The following FOXP2 variants were observed in gnomAD, a reference collection of about 807,000 sequenced individuals.
FOXP2 encodes forkhead box P2.
A neutral mutation model predicts 115.8 loss-of-function variants in FOXP2; 12 were observed. The ratio of observed to expected loss-of-function variants is 0.10; its 90% confidence interval spans 0.07 to 0.17. The LOEUF is 0.17. Among genes scored for constraint, FOXP2 ranks in the 10% least tolerant of loss-of-function variants. The probability of loss-of-function intolerance (pLI) is 1.00; values close to 1 mark genes in which losing one functional copy is unlikely to be tolerated. For synonymous variants in FOXP2, 328 were observed against 297.7 expected, an observed-to-expected ratio of 1.10 and a Z score of -1.05; for missense variants, 629 against 843.5, an observed-to-expected ratio of 0.75 and a Z score of 3.15.
intron 3 of FOXP2, among the ~76,000 whole-genome samples, chr7:114,593,205 A>G (rs1802526214): frequency 6.6e-6 from 1 of 151,860 alleles, no homozygotes; most frequent in Non-Finnish European, 1.5e-5. Context: ...TTAAAACTTC[A>G]GTTTTGAATA....
intron 3 of FOXP2, among the ~76,000 whole-genome samples, chr7:114,623,909 G>A (rs1020096396): frequency 3.3e-5 from 5 of 151,830 alleles, no homozygotes; most frequent in African/African-American, 4.8e-5. Context: ...ATAGCAATAT[G>A]CACTGTCCAT....
chr7:114,445,943 T>G (rs1026637419), intron 2 of FOXP2, among the ~76,000 whole-genome samples: 1 of 152,102 alleles, frequency 6.6e-6, no homozygotes, highest in Admixed American at 6.6e-5. Flanking sequence ...ACTATGTGTG[T>G]GACAATGTAA....
chr7:114,441,049 T>C (rs1794577734), intron 2 of FOXP2, among the ~76,000 whole-genome samples: 1 of 152,202 alleles, frequency 6.6e-6, no homozygotes. Context: ...ATATCATATA[T>C]AATTTTATTG....
intron 2 of FOXP2, among the ~76,000 whole-genome samples, chr7:114,378,533 A>G (rs1792196838): frequency 6.6e-6 from 1 of 151,576 alleles, no homozygotes; most frequent in African/African-American, 2.4e-5. Flanking sequence ...AAAATCTAAA[A>G]ATTAACTAGG....
At chr7:114,563,327 A>G (rs776131666) in intron 3 of FOXP2, among the ~76,000 whole-genome samples, 1 of 152,144 alleles carries the variant, frequency 6.6e-6, no homozygotes, top group Non-Finnish European at 1.5e-5. Flanking sequence ...CTGTCAAAAC[A>G]TTTGAGACTT....
intron 1 of FOXP2, among the ~76,000 whole-genome samples, chr7:114,256,305 C>T (rs1178900398): frequency 1.3e-5 from 2 of 152,074 alleles, no homozygotes. Context: ...CAGGGTTTCT[C>T]CATGTTGATC....
intron 1 of FOXP2, among the ~76,000 whole-genome samples, chr7:114,145,471 C>CTTTTCTT (rs1280146752): frequency 8.4e-5 from 12 of 142,366 alleles, no homozygotes; most frequent in South Asian, 2.2e-4. Context: ...CTTTTCTTTT[C>CTTTTCTT]TTTTCTTTTC....
At chr7:114,237,566 G>A (rs1172563717) in intron 1 of FOXP2, among the ~76,000 whole-genome samples, 1 of 151,986 alleles carries the variant, frequency 6.6e-6, no homozygotes, top group East Asian at 1.9e-4. Context: ...TGAACCACGT[G>A]CTCAGGCCTG....
In FOXP2 at chr7:114,631,653, C is replaced by T. The variant is rs1275168865; in HGVS notation, c.723C>T (p.Leu241=). The change falls in exon 6 of 17, where the codon CTC becomes CTT. Residue 241 remains leucine, a synonymous_variant. Coordinates refer to ENST00000350908, the MANE Select transcript of FOXP2 (RefSeq NM_014491.4). ...TGCTCAGCCTTCAGCGTCAGGGACT[C>T]ATCTCCATTCCACCTGGCCAGGCAG... ...QHLLSLQRQG[L]ISIPPGQAAL... 1.2e-6 allele frequency: 2 copies of T among 1,614,130 alleles called. No homozygotes were observed. Among genetic ancestry groups the T allele is most frequent in the Non-Finnish European group, 8.5e-7 (1 of 1,180,024 alleles).
chr7:114,362,949 A>T (rs1333994622), intron 2 of FOXP2, among the ~76,000 whole-genome samples: 1 of 152,042 alleles, frequency 6.6e-6, no homozygotes. Flanking sequence ...TCTATAATTG[A>T]CATAGCAGAG....
At chr7:114,488,487 A>G (rs1014172368) in intron 2 of FOXP2, among the ~76,000 whole-genome samples, 6 of 152,168 alleles carry the variant, frequency 3.9e-5, no homozygotes, top group Non-Finnish European at 7.3e-5. Flanking sequence ...TTACCTCTTT[A>G]AAACTCAGGT....
At chr7:114,271,492 A>G in intron 1 of FOXP2, among the ~76,000 whole-genome samples, 1 of 133,922 alleles carries the variant, frequency 7.5e-6, no homozygotes, top group Middle Eastern at 3.6e-3. Flanking sequence ...ATATATATTT[A>G]TATAAATATA....
At chr7:114,329,656 ATTTATTTATTTATTTATT>A (rs775987372) in intron 2 of FOXP2, among the ~76,000 whole-genome samples, 1 of 26,630 alleles carries the variant, frequency 3.8e-5, no homozygotes, top group Non-Finnish European at 8.2e-5. Flanking sequence ...TTATTTATTT[ATTTATTTATTTATTTATT>A]TATTTATTTA....
At chr7:114,308,931 C>G (rs936458073) in intron 2 of FOXP2, among the ~76,000 whole-genome samples, 1 of 152,168 alleles carries the variant, frequency 6.6e-6, no homozygotes, top group African/African-American at 2.4e-5. Flanking sequence ...CCGATATAGT[C>G]AATTTGCCAG....
intron 2 of FOXP2, among the ~76,000 whole-genome samples, chr7:114,396,359 A>G (rs1792740174): frequency 6.6e-6 from 1 of 151,942 alleles, no homozygotes; most frequent in Non-Finnish European, 1.5e-5. Context: ...TATTCTTTTT[A>G]TGGTTGAATA....
At chr7:114,575,952 AT>A (rs1393734213) in intron 3 of FOXP2, among the ~76,000 whole-genome samples, 2 of 151,888 alleles carry the variant, frequency 1.3e-5, no homozygotes, top group Admixed American at 6.6e-5. Context: ...TACTGTATAC[AT>A]TTGTAAAAAG....
chr7:114,216,696 G>T (rs1160278876), intron 1 of FOXP2, among the ~76,000 whole-genome samples: 1 of 151,978 alleles, frequency 6.6e-6, no homozygotes, highest in Non-Finnish European at 1.5e-5. Context: ...CTATTCTATT[G>T]TGTGGATTTC....
At chr7:114,148,774 T>C (rs1792453107) in intron 1 of FOXP2, among the ~76,000 whole-genome samples, 1 of 152,208 alleles carries the variant, frequency 6.6e-6, no homozygotes, top group African/African-American at 2.4e-5. Context: ...ATGTTCCTTT[T>C]TCTTCATCAA....
chr7:114,212,537 G>A (rs1374518468), intron 1 of FOXP2, among the ~76,000 whole-genome samples: 5 of 151,200 alleles, frequency 3.3e-5, no homozygotes, highest in South Asian at 2.1e-4. Context: ...TGACCTGAAG[G>A]CCAATAGACA....
Sources: gnomAD v4.1 joint callset for allele counts (sites outside exome capture counted in the v4.1 genomes callset) on GRCh38, gnomAD v4.1.1 for gene constraint, MANE v1.5 for transcripts, NCBI Gene and HGNC (gene_info 2026-07-23, HGNC 2026-07-21) for gene names.